The following TNFRSF19 variants were observed in gnomAD, a reference collection of about 807,000 sequenced individuals.
TNFRSF19 encodes the protein TNF receptor superfamily member 19.
TNFRSF19 carries 27 observed loss-of-function variants against 46.4 expected under a neutral mutation model. The observed-to-expected ratio is 0.58, with a 90% CI of 0.43 to 0.80. TNFRSF19 has a LOEUF of 0.80. TNFRSF19 is among the 30% of genes least tolerant of loss of function. The pLI is 0.00. For synonymous variants in TNFRSF19, 204 were observed against 205.0 expected, an observed-to-expected ratio of 1.00 and a Z score of 0.04; for missense variants, 511 against 530.8, an observed-to-expected ratio of 0.96 and a Z score of 0.37.
At chr13:23,601,665 T>C (rs958465183) in intron 3 of TNFRSF19, among the ~76,000 whole-genome samples, 1 of 138,556 alleles carries the variant, frequency 7.2e-6, no homozygotes, top group African/African-American at 2.6e-5. Flanking sequence ...AGTATGCTTG[T>C]GTGTACACAC....
At chr13:23,599,358 A>G (rs988163097) in intron 3 of TNFRSF19, among the ~76,000 whole-genome samples, 2 of 152,236 alleles carry the variant, frequency 1.3e-5, no homozygotes, top group African/African-American at 4.8e-5. Flanking sequence ...GAAGAGATTT[A>G]TTCTGAGCCA....
intron 3 of TNFRSF19, among the ~76,000 whole-genome samples, chr13:23,610,799 C>T (rs1295900886): frequency 6.6e-6 from 1 of 151,900 alleles, no homozygotes; most frequent in Non-Finnish European, 1.5e-5. Flanking sequence ...TAAGTAGGGG[C>T]CCTATAATAA....
chr13:23,602,389 C>T (rs1880220340), intron 3 of TNFRSF19, among the ~76,000 whole-genome samples: 1 of 152,004 alleles, frequency 6.6e-6, no homozygotes, highest in South Asian at 2.1e-4. Context: ...GATAGAACTA[C>T]AAGGAGATAT....
Position 23,620,901 on chromosome 13 carries a change from C to A in TNFRSF19, c.359+4856C>A, listed in dbSNP as rs146948097. On this transcript the variant is annotated intron_variant, in intron 4 of 9. Transcript: ENST00000248484. ...AGCACTTACTATCATCCGAACCACT[C>A]TGTAAAGTAGGGATTCCTACCACCC... Among the ~76,000 whole-genome samples, 40 of 152,326 alleles carry A rather than the reference C, an allele frequency of 2.6e-4. No individual in the cohort carries two copies. In the East Asian group the frequency reaches 7.3e-3, roughly 28 times the overall value.
Position 23,590,165 on chromosome 13 carries a change from A to C in TNFRSF19, c.-19A>C. On this transcript the variant is annotated 5_prime_UTR_variant, in exon 2 of 10. Coordinates refer to ENST00000248484, the MANE Select transcript of TNFRSF19 (RefSeq NM_148957.4). ...TTTTATTTAGAACTCTCCAACAATA[A>C]ATACATTTGATAAGAAAGATGGCTT... 3.2e-6 allele frequency: 5 copies of C among 1,542,048 alleles called. No individual in the cohort carries two copies. Among genetic ancestry groups the C allele is most frequent in the Non-Finnish European group, 4.4e-6 (5 of 1,127,500 alleles).
intron 4 of TNFRSF19, among the ~76,000 whole-genome samples, chr13:23,624,128 C>A (rs1035913293): frequency 6.6e-6 from 1 of 152,092 alleles, no homozygotes; most frequent in African/African-American, 2.4e-5. Context: ...TCCAACATTC[C>A]TTAAAGAGAC....
At chr13:23,586,449 GAGGA>G (rs1878846480) in intron 1 of TNFRSF19, among the ~76,000 whole-genome samples, 1 of 152,164 alleles carries the variant, frequency 6.6e-6, no homozygotes, top group Non-Finnish European at 1.5e-5. Context: ...AGGCATTGTA[GAGGA>G]AGGGACAGTT....
intron 3 of TNFRSF19, among the ~76,000 whole-genome samples, chr13:23,600,745 G>T (rs929475683): frequency 6.6e-6 from 1 of 152,224 alleles, no homozygotes; most frequent in Admixed American, 6.5e-5. Flanking sequence ...TAAGGGAGAG[G>T]CACTGGGGAA....
chr13:23,619,893 C>T (rs563033544), intron 4 of TNFRSF19, among the ~76,000 whole-genome samples: 14 of 152,262 alleles, frequency 9.2e-5, no homozygotes, highest in South Asian at 6.2e-4. Context: ...CAGGTCTGCC[C>T]GGGACTCCAC....
At chr13:23,571,872 GT>G (rs796851242) in intron 1 of TNFRSF19, among the ~76,000 whole-genome samples, 1,670 of 144,410 alleles carry the variant, frequency 0.012, 31 homozygotes, top group African/African-American at 0.037. Flanking sequence ...TGTTCGCGAT[GT>G]TTTTTTTTTT....
chr13:23,623,059 G>A (rs1170960231), intron 4 of TNFRSF19, among the ~76,000 whole-genome samples: 1 of 152,102 alleles, frequency 6.6e-6, no homozygotes, highest in East Asian at 1.9e-4. Flanking sequence ...CAGATCTCCA[G>A]AACTTTTTCA....
chr13:23,614,880 A>G (rs1433521471), intron 3 of TNFRSF19, among the ~76,000 whole-genome samples: 1 of 151,886 alleles, frequency 6.6e-6, no homozygotes, highest in African/African-American at 2.4e-5. Context: ...CCCAAGGTAC[A>G]TAACTTCTCT....
At chr13:23,591,085 C>A (rs1322505587) in intron 2 of TNFRSF19, among the ~76,000 whole-genome samples, 1 of 152,144 alleles carries the variant, frequency 6.6e-6, no homozygotes, top group Non-Finnish European at 1.5e-5. Flanking sequence ...TTTATTTAAT[C>A]TAGTGATAAA....
chr13:23,593,460 A>G lies in TNFRSF19; in HGVS notation c.180+5A>G. On this transcript the variant is annotated splice_donor_5th_base_variant and intron_variant, in intron 3 of 9. Coordinates refer to ENST00000248484, the MANE Select transcript of TNFRSF19 (RefSeq NM_148957.4). Reference sequence around the variant, plus strand: ...CCAGGCATGGAGTTGTCTAAGGTATATTGGATACATGGCAAAGTTGTGTAT... The same window carrying G: ...CCAGGCATGGAGTTGTCTAAGGTATGTTGGATACATGGCAAAGTTGTGTAT... 6.3e-7 allele frequency: 1 copy of G among 1,579,792 alleles called. No individual in the cohort carries two copies.
chr13:23,649,256 T>C (rs368311285), intron 5 of TNFRSF19, among the ~76,000 whole-genome samples: 11 of 152,334 alleles, frequency 7.2e-5, no homozygotes, highest in African/African-American at 2.4e-4. Context: ...TCTTCGGTTA[T>C]ATAGATCAAT....
chr13:23,608,540 C>T (rs1462626484), intron 3 of TNFRSF19, among the ~76,000 whole-genome samples: 1 of 152,142 alleles, frequency 6.6e-6, no homozygotes, highest in Non-Finnish European at 1.5e-5. Flanking sequence ...GGTGGAGCCA[C>T]GTGGGAGTAG....
At chr13:23,639,412 A>G (rs979750927) in intron 5 of TNFRSF19, among the ~76,000 whole-genome samples, 1 of 152,172 alleles carries the variant, frequency 6.6e-6, no homozygotes, top group Non-Finnish European at 1.5e-5. Context: ...TTTAAAAAAA[A>G]TTTAAATTCA....
At chr13:23,627,329 C>T (rs898899466) in intron 5 of TNFRSF19, among the ~76,000 whole-genome samples, 1 of 152,192 alleles carries the variant, frequency 6.6e-6, no homozygotes. Flanking sequence ...AACTCCATTG[C>T]ATGCTGGGGA....
At chr13:23,615,416 C>T (rs532499953) in intron 3 of TNFRSF19, among the ~76,000 whole-genome samples, 1 of 152,254 alleles carries the variant, frequency 6.6e-6, no homozygotes, top group African/African-American at 2.4e-5. Context: ...TAGGCTTGTC[C>T]GCTAATGAAA....
Sources: gnomAD v4.1 joint callset for allele counts (sites outside exome capture counted in the v4.1 genomes callset) on GRCh38, gnomAD v4.1.1 for gene constraint, MANE v1.5 for transcripts, NCBI Gene and HGNC (gene_info 2026-07-23, HGNC 2026-07-21) for gene names.